Variants in CAP2 observed in about 807,000 individuals in gnomAD.
CAP2 encodes adenylyl cyclase-associated protein 2.
A neutral mutation model predicts 57.7 loss-of-function variants in CAP2; 24 were observed. That is an observed-to-expected ratio of 0.42 (90% CI 0.30 to 0.58). The LOEUF (loss-of-function observed/expected upper bound fraction) is 0.58, where lower values mean the gene tolerates loss of function less well. CAP2 is among the 20% of genes least tolerant of loss of function. The probability of loss-of-function intolerance (pLI) is 0.22; values close to 1 mark genes in which losing one functional copy is unlikely to be tolerated. For synonymous variants in CAP2, 194 were observed against 207.2 expected, an observed-to-expected ratio of 0.94 and a Z score of 0.55; for missense variants, 501 against 590.3, an observed-to-expected ratio of 0.85 and a Z score of 1.57.
intron 3 of CAP2, among the ~76,000 whole-genome samples, chr6:17,443,040 A>G (rs1760136526): frequency 6.6e-6 from 1 of 152,134 alleles, no homozygotes; most frequent in African/African-American, 2.4e-5. Context: ...TTAAAAAAAT[A>G]AAACTCTTGA....
chr6:17,427,103 A>T (rs1415227512), intron 3 of CAP2, among the ~76,000 whole-genome samples: 1 of 152,180 alleles, frequency 6.6e-6, no homozygotes, highest in African/African-American at 2.4e-5. Flanking sequence ...ATCTGAGGTG[A>T]CACTGAGCAG....
intron 4 of CAP2, among the ~76,000 whole-genome samples, chr6:17,474,163 C>G (rs1581549487): frequency 7.5e-6 from 1 of 133,704 alleles, no homozygotes; most frequent in Non-Finnish European, 1.6e-5. Context: ...TCAAACTAAT[C>G]AAGACAGAGG....
chr6:17,490,793 C>T (rs768074595), intron 4 of CAP2, among the ~76,000 whole-genome samples: 5 of 152,156 alleles, frequency 3.3e-5, no homozygotes, highest in Admixed American at 6.5e-5. Context: ...CTGGGGCAGC[C>T]AGGGCAGCAG....
chr6:17,424,269 G>C (rs182993036), intron 2 of CAP2, among the ~76,000 whole-genome samples: 19 of 151,964 alleles, frequency 1.3e-4, no homozygotes, highest in Admixed American at 2.0e-4. Flanking sequence ...GCGTGGTGGC[G>C]GGCGCCTGTA....
At chr6:17,542,805 A>G (rs2296249) in intron 9 of CAP2, 32 bp from the exon 10 acceptor site, 980,571 of 1,555,840 alleles carry the variant, frequency 0.63, 311,005 homozygotes, top group East Asian at 0.73. Flanking sequence ...ATATATGCTG[A>G]TGTTTAATAT....
At chr6:17,488,035 C>T (rs1295201962) in intron 4 of CAP2, among the ~76,000 whole-genome samples, 1 of 152,112 alleles carries the variant, frequency 6.6e-6, no homozygotes, top group Admixed American at 6.5e-5. Flanking sequence ...AGTGATCCTC[C>T]CGCCTCAGCC....
intron 4 of CAP2, among the ~76,000 whole-genome samples, chr6:17,472,701 C>A (rs1041218522): frequency 6.6e-6 from 1 of 152,126 alleles, no homozygotes; most frequent in Admixed American, 6.5e-5. Context: ...GGTTAACACA[C>A]AATAAAACAC....
In CAP2 at chr6:17,539,324, T is replaced by A. The variant is rs1421530567; in HGVS notation, c.692T>A (p.Leu231His). The change falls in exon 8 of 13, where the codon CTT becomes CAT. Residue 231 changes from leucine to histidine, a missense_variant. Physicochemically the swap from Leu to His is moderately conservative, Grantham distance 99. Transcript: ENST00000229922. The stretch of plus-strand genomic sequence containing the variant: ...TCTGTCCTCTCCTCTGGGCCTGGCC[T>A]TCCTCCACCCCCTCCTCCTCTGCCT... ...AFSVLSSGPG[L>H]PPPPPPLPPP... 1 of 1,613,998 alleles carries A rather than the reference T, an allele frequency of 6.2e-7. No individual in the cohort carries two copies. The highest frequency in any genetic ancestry group is 2.2e-5 in the East Asian group (1 of 44,880).
intron 7 of CAP2, among the ~76,000 whole-genome samples, chr6:17,537,840 T>C (rs918840299): frequency 6.6e-6 from 1 of 151,462 alleles, no homozygotes; most frequent in African/African-American, 2.4e-5. Flanking sequence ...CTGAGGCGGG[T>C]GGATAATCTT....
chr6:17,394,145 G>A (rs1444857638), intron 1 of CAP2, among the ~76,000 whole-genome samples: 1 of 149,304 alleles, frequency 6.7e-6, no homozygotes, highest in East Asian at 2.0e-4. Flanking sequence ...CTCGTCCACC[G>A]GGCTGTGAGT....
intron 4 of CAP2, chr6:17,493,694 G>A (rs763294826): frequency 2.0e-5 from 3 of 150,916 alleles, no homozygotes; most frequent in Non-Finnish European, 4.4e-5. Flanking sequence ...ATGTGTACTG[G>A]ATTGAAAATG....
chr6:17,540,952 C>G, intron 8 of CAP2, 21 bp from the exon 9 acceptor site: 1 of 1,604,922 alleles, frequency 6.2e-7, no homozygotes, highest in Non-Finnish European at 8.5e-7. Flanking sequence ...ATAAATGTGT[C>G]CATGTGTGTT....
intron 4 of CAP2, among the ~76,000 whole-genome samples, chr6:17,492,159 G>T (rs73721595): frequency 1.3e-5 from 2 of 152,206 alleles, no homozygotes; most frequent in African/African-American, 4.8e-5. Context: ...TCTTAGAAAC[G>T]CAGAGAAATC....
At chr6:17,432,719 CCTTG>C (rs35029222) in intron 3 of CAP2, among the ~76,000 whole-genome samples, 1 of 151,038 alleles carries the variant, frequency 6.6e-6, no homozygotes, top group Non-Finnish European at 1.5e-5. Flanking sequence ...CCCTCCACCC[CCTTG>C]CTTGCTTGCT....
At chr6:17,521,637 G>A (rs535172872) in intron 7 of CAP2, among the ~76,000 whole-genome samples, 20 of 152,246 alleles carry the variant, frequency 1.3e-4, no homozygotes, top group African/African-American at 3.1e-4. Flanking sequence ...CCACGGAAAC[G>A]CGCATTCTAG....
chr6:17,430,565 G>A (rs1458428119), intron 3 of CAP2, among the ~76,000 whole-genome samples: 3 of 148,464 alleles, frequency 2.0e-5, no homozygotes, highest in Non-Finnish European at 4.4e-5. Context: ...TCGAGACAGA[G>A]TCTTGCTCTG....
At position 17,461,271 on chromosome 6, in the gene CAP2, G is replaced by T. The variant is rs560029013; in HGVS notation, c.223-1725G>T. 2.0e-5 allele frequency among the ~76,000 whole-genome samples: 3 copies of T among 150,234 alleles called. No individual in the cohort carries two copies. The South Asian group carries it at 6.3e-4, about 32-fold the overall frequency. The stretch of plus-strand genomic sequence containing the variant: ...GTCTCCCTCTGTCACCCAGTCTGAA[G>T]TCTGAAGCGCAGTAGCACAATCTCG... On this transcript the variant is annotated intron_variant, in intron 3 of 12. Transcript: ENST00000229922.
chr6:17,529,367 C>T (rs1187029570), intron 7 of CAP2, among the ~76,000 whole-genome samples: 3 of 151,064 alleles, frequency 2.0e-5, no homozygotes, highest in South Asian at 2.1e-4. Flanking sequence ...TCTGTCTGGG[C>T]GTGGTGGCTC....
At chr6:17,526,211 G>T (rs1027468228) in intron 7 of CAP2, among the ~76,000 whole-genome samples, 1 of 151,550 alleles carries the variant, frequency 6.6e-6, no homozygotes. Flanking sequence ...TCCACCTCCC[G>T]GGTTCAAGCT....
Sources: gnomAD v4.1 joint callset for allele counts (sites outside exome capture counted in the v4.1 genomes callset) on GRCh38, gnomAD v4.1.1 for gene constraint, MANE v1.5 for transcripts, NCBI Gene and HGNC (gene_info 2026-07-23, HGNC 2026-07-21) for gene names.